Variants in CNTNAP2 observed in about 807,000 individuals in gnomAD.
CNTNAP2 encodes contactin-associated protein-like 2.
CNTNAP2 carries 98 observed loss-of-function variants against 155.2 expected under a neutral mutation model. The ratio of observed to expected loss-of-function variants is 0.63; its 90% CI spans 0.54 to 0.75. The LOEUF (loss-of-function observed/expected upper bound fraction) is 0.75. Ranked by LOEUF, CNTNAP2 falls within the 30% of genes least tolerant of loss-of-function variation. CNTNAP2 has a pLI of 0.00. For synonymous variants in CNTNAP2, 651 were observed against 631.2 expected (o/e 1.03, Z -0.47); for missense variants, 1,727 against 1,688.1 (o/e 1.02, Z -0.40).
At chr7:146,708,663 C>A (rs1290644287) in intron 1 of CNTNAP2, among the ~76,000 whole-genome samples, 1 of 113,130 alleles carries the variant, frequency 8.8e-6, no homozygotes, top group African/African-American at 3.4e-5. Context: ...GTGGCGTGAT[C>A]TCATCTCACT....
chr7:147,812,430 C>T (rs574500222), intron 13 of CNTNAP2, among the ~76,000 whole-genome samples: 2 of 150,638 alleles, frequency 1.3e-5, no homozygotes, highest in South Asian at 4.2e-4. Flanking sequence ...GGAAGAAGCA[C>T]AGGTCAGCCG....
intron 8 of CNTNAP2, among the ~76,000 whole-genome samples, chr7:147,141,443 G>C (rs967500642): frequency 3.9e-5 from 6 of 152,132 alleles, no homozygotes; most frequent in African/African-American, 1.4e-4. Context: ...TTCTTTCTCT[G>C]TTTCAGTCAC....
chr7:147,217,272 T>C (rs997845385), intron 8 of CNTNAP2, among the ~76,000 whole-genome samples: 2 of 152,024 alleles, frequency 1.3e-5, no homozygotes, highest in African/African-American at 2.4e-5. Flanking sequence ...TTAAGTATGA[T>C]GTTGGCTGTA....
intron 8 of CNTNAP2, among the ~76,000 whole-genome samples, chr7:147,272,792 C>T (rs1358030436): frequency 2.6e-5 from 4 of 151,966 alleles, no homozygotes; most frequent in Non-Finnish European, 4.4e-5. Flanking sequence ...CAGGCGTGAG[C>T]CACTGCGCCT....
At chr7:146,762,087 T>G (rs1802112019) in intron 1 of CNTNAP2, among the ~76,000 whole-genome samples, 1 of 152,194 alleles carries the variant, frequency 6.6e-6, no homozygotes, top group Admixed American at 6.5e-5. Context: ...TTCTCCAACT[T>G]ATTTTCCTTG....
chr7:148,301,306 A>AAAAAAATATAT, intron 21 of CNTNAP2, among the ~76,000 whole-genome samples: 22 of 103,852 alleles, frequency 2.1e-4, no homozygotes, highest in Middle Eastern at 0.01. Flanking sequence ...AAAAAAAAAA[A>AAAAAAATATAT]ATATATATAT....
At chr7:146,607,214 T>A (rs576981492) in intron 1 of CNTNAP2, among the ~76,000 whole-genome samples, 3 of 152,112 alleles carry the variant, frequency 2.0e-5, no homozygotes, top group Non-Finnish European at 2.9e-5. Flanking sequence ...TTCAAACAGA[T>A]TGGGTAACGT....
At chr7:146,490,797 T>A (rs1013289079) in intron 1 of CNTNAP2, among the ~76,000 whole-genome samples, 4 of 152,188 alleles carry the variant, frequency 2.6e-5, no homozygotes, top group Non-Finnish European at 5.9e-5. Flanking sequence ...TTACTAGACC[T>A]CAGTATCCAC....
At chr7:148,175,767 T>G (rs1794923657) in intron 18 of CNTNAP2, among the ~76,000 whole-genome samples, 1 of 152,100 alleles carries the variant, frequency 6.6e-6, no homozygotes, top group African/African-American at 2.4e-5. Flanking sequence ...TATTAGCCCA[T>G]CCAGGAGAAT....
At chr7:147,308,192 A>G (rs1216615819) in intron 9 of CNTNAP2, among the ~76,000 whole-genome samples, 1 of 152,328 alleles carries the variant, frequency 6.6e-6, no homozygotes, top group African/African-American at 2.4e-5. Flanking sequence ...AAGCAAGTGG[A>G]ACCCGATATC....
Position 148,032,445 on chromosome 7 carries a change from G to A in CNTNAP2, c.2383+54456G>A, listed in dbSNP as rs573924634. 8.5e-5 allele frequency among the ~76,000 whole-genome samples: 13 copies of A among 152,270 alleles called. No homozygotes were observed. The South Asian group carries it at 1.2e-3, about 15-fold the overall frequency. ...AGACAGAGAGGGTAGGAGTCAGACC[G>A]AAGGAGCTACCGTGCTGGAGCCCAG... is the stretch of plus-strand genomic sequence containing the variant. On this transcript the variant is annotated intron_variant, in intron 15 of 23. Coordinates refer to ENST00000361727, the MANE Select transcript of CNTNAP2 (RefSeq NM_014141.6).
chr7:147,568,206 T>C (rs1800214425), intron 12 of CNTNAP2, among the ~76,000 whole-genome samples: 2 of 152,248 alleles, frequency 1.3e-5, no homozygotes, highest in Non-Finnish European at 1.5e-5. Context: ...AAGGAAAATA[T>C]TTCCATTGTT....
intron 1 of CNTNAP2, among the ~76,000 whole-genome samples, chr7:146,626,357 C>T (rs1248611822): frequency 6.6e-6 from 1 of 152,088 alleles, no homozygotes; most frequent in East Asian, 1.9e-4. Flanking sequence ...TTGTATCTAT[C>T]ATTCTGTTCT....
intron 1 of CNTNAP2, among the ~76,000 whole-genome samples, chr7:146,315,687 TA>T (rs1426490067): frequency 3.3e-5 from 5 of 152,150 alleles, no homozygotes; most frequent in Non-Finnish European, 5.9e-5. Context: ...TATACATTTG[TA>T]TTTTTTCAAT....
intron 1 of CNTNAP2, among the ~76,000 whole-genome samples, chr7:146,421,370 C>A (rs141971002): frequency 8.9e-4 from 136 of 152,012 alleles, no homozygotes; most frequent in African/African-American, 3.1e-3. Context: ...ATGTCCCTGG[C>A]TCTTGCTTAA....
At chr7:146,411,484 A>G (rs1795863802) in intron 1 of CNTNAP2, among the ~76,000 whole-genome samples, 2 of 152,114 alleles carry the variant, frequency 1.3e-5, no homozygotes, top group Admixed American at 1.3e-4. Context: ...TGTTCTCACC[A>G]CAAGAAAATA....
intron 22 of CNTNAP2, among the ~76,000 whole-genome samples, chr7:148,408,569 C>T (rs1372702204): frequency 6.6e-6 from 1 of 152,226 alleles, no homozygotes; most frequent in African/African-American, 2.4e-5. Context: ...TTACATTTAA[C>T]TGGTGCCATC....
At chr7:146,426,643 AAC>A (rs200535635) in intron 1 of CNTNAP2, among the ~76,000 whole-genome samples, 5,058 of 150,796 alleles carry the variant, frequency 0.034, 321 homozygotes, top group African/African-American at 0.12. Context: ...AAAAAAGCAA[AAC>A]ACAGTGAAAC....
rs375759080 is a variant in CNTNAP2 at position 147,267,365 on chromosome 7, G to A, written c.1349-32776G>A. Reference sequence around the variant, plus strand: ...ACAGTATTAATAATGTCCAGTGGTTGAATGGCAATGAGTGATACTCAACGA... The same window carrying A: ...ACAGTATTAATAATGTCCAGTGGTTAAATGGCAATGAGTGATACTCAACGA... On this transcript the variant is annotated intron_variant, in intron 8 of 23. Coordinates refer to ENST00000361727, the MANE Select transcript of CNTNAP2 (RefSeq NM_014141.6). Among the ~76,000 whole-genome samples the A allele has an allele frequency of 3.0e-3, 462 of 152,312 alleles. 2 individuals carry two copies. Among genetic ancestry groups the A allele is most frequent in the African/African-American group, 0.01 (426 of 41,586 alleles).
Sources: allele counts gnomAD v4.1 joint callset (sites outside exome capture counted in the v4.1 genomes callset), GRCh38; gene constraint gnomAD v4.1.1; transcripts MANE v1.5; gene names NCBI Gene and HGNC (gene_info 2026-07-23, HGNC 2026-07-21).